Variants in ATP2B4 observed in about 807,000 individuals in gnomAD.
ATP2B4 encodes ATPase plasma membrane Ca2+ transporting 4.
Under a neutral mutation model 110.3 loss-of-function variants are expected in ATP2B4, and 39 were observed. That is an observed-to-expected ratio of 0.35 (90% CI 0.27 to 0.46). The LOEUF (loss-of-function observed/expected upper bound fraction) is 0.46, where lower values mean the gene tolerates loss of function less well. Ranked by LOEUF, ATP2B4 falls within the 20% of genes least tolerant of loss-of-function variation. ATP2B4 has a pLI of 1.00. For synonymous variants in ATP2B4, 538 were observed against 571.7 expected (o/e 0.94, Z 0.84); for missense variants, 1,135 against 1,530.9 (o/e 0.74, Z 4.32).
At position 203,683,389 on chromosome 1, in the gene ATP2B4, C is replaced by T. The variant is rs377401279; in HGVS notation, c.184C>T (p.Pro62Ser). 1 of 1,609,596 alleles carries T rather than the reference C, an allele frequency of 6.2e-7. No individual in the cohort carries two copies. Among genetic ancestry groups the T allele is most frequent in the Non-Finnish European group, 8.5e-7 (1 of 1,177,240 alleles). Reference sequence around the variant, plus strand: ...TCTCTGCAGTAGACTGAAAACCTCCCCTGTGGAAGGTAAAGGCCATATCAG... The same window carrying T: ...TCTCTGCAGTAGACTGAAAACCTCCTCTGTGGAAGGTAAAGGCCATATCAG... ...QNLCSRLKTS[P>S]VEGLSGNPAD... The change falls in exon 2 of 21, where the codon CCT becomes TCT. Residue 62 changes from proline (P) to serine (S), a missense_variant. Transcript: ENST00000357681.
intron 1 of ATP2B4, among the ~76,000 whole-genome samples, chr1:203,627,967 C>T (rs1175345098): frequency 1.3e-5 from 2 of 152,172 alleles, no homozygotes; most frequent in African/African-American, 4.8e-5. Flanking sequence ...CGTCCAGAAC[C>T]AACTGTATGA....
chr1:203,689,167 C>T (rs1448137491), intron 2 of ATP2B4, among the ~76,000 whole-genome samples: 5 of 152,244 alleles, frequency 3.3e-5, no homozygotes, highest in African/African-American at 4.8e-5. Context: ...CTCATGGCCT[C>T]GTGAGTGGAA....
intron 1 of ATP2B4, among the ~76,000 whole-genome samples, chr1:203,681,961 C>A (rs1665029263): frequency 6.6e-6 from 1 of 151,230 alleles, no homozygotes. Flanking sequence ...CACCCTGCGT[C>A]ACCAACTGCC....
At chr1:203,705,922 A>G (rs1057297911) in intron 8 of ATP2B4, among the ~76,000 whole-genome samples, 11 of 152,238 alleles carry the variant, frequency 7.2e-5, no homozygotes, top group African/African-American at 2.7e-4. Flanking sequence ...CAAGCAAAGA[A>G]CGGAAGAATT....
intron 4 of ATP2B4, among the ~76,000 whole-genome samples, 176 bp downstream of exon 4, chr1:203,699,893 G>A (rs60628726): frequency 0.011 from 1,678 of 152,258 alleles, 31 homozygotes; most frequent in African/African-American, 0.038. Flanking sequence ...GAAAGGAGTA[G>A]CTGAAACTCT....
At position 203,713,233 on chromosome 1, in the gene ATP2B4, C is replaced by G; in HGVS notation, c.2280C>G (p.Asp760Glu). 7 of 1,614,158 alleles carry G rather than the reference C, an allele frequency of 4.3e-6. No homozygotes were observed. Among genetic ancestry groups the G allele is most frequent in the Non-Finnish European group, 2.5e-6 (3 of 1,180,014 alleles). ...TCCTGGCGCGATCTTCTCCCACTGACAAGCACACCCTGGTGAAAGGTGAGG... is the reference window on the plus strand; with the variant it reads ...TCCTGGCGCGATCTTCTCCCACTGAGAAGCACACCCTGGTGAAAGGTGAGG... ...LRVLARSSPT[D>E]KHTLVKGIID... is the part of the protein sequence containing the mutation. Residue 760 changes from aspartate (D) to glutamate (E), a missense_variant, in exon 14 of 21, where the codon GAC becomes GAG. Asp to Glu is a conservative substitution (Grantham distance 45, BLOSUM62 2). Transcript: ENST00000357681.
intron 15 of ATP2B4, among the ~76,000 whole-genome samples, chr1:203,718,076 G>A (rs1666211490): frequency 6.6e-6 from 1 of 152,156 alleles, no homozygotes; most frequent in Non-Finnish European, 1.5e-5. Context: ...AAGCTAAGAA[G>A]TATGCTCTTA....
chr1:203,739,094 T>G (rs1666942010), intron 20 of ATP2B4, among the ~76,000 whole-genome samples: 1 of 152,202 alleles, frequency 6.6e-6, no homozygotes, highest in Admixed American at 6.5e-5. Context: ...GCATAATTTT[T>G]CCATTCCACA....
intron 1 of ATP2B4, among the ~76,000 whole-genome samples, chr1:203,651,827 G>C (rs1366002175): frequency 1.3e-5 from 2 of 151,966 alleles, no homozygotes; most frequent in East Asian, 3.9e-4. Context: ...GAATGCCGAG[G>C]CAGGGGGATC....
chr1:203,700,920 A>G lies in ATP2B4; in HGVS notation c.898A>G (p.Lys300Glu). ...NEDDEGEKKK[K>E]GKKQGVPENR... The stretch of plus-strand genomic sequence containing the variant: ...GGATGACGAAGGGGAGAAAAAGAAG[A>G]AAGGTAAGGGGCATCTGGAATGAGA... The change falls in exon 6 of 21, where the codon AAA becomes GAA. Residue 300 changes from lysine (K) to glutamate (E), a missense_variant. Physicochemically the swap from Lys to Glu is moderately conservative, Grantham distance 56 (BLOSUM62 1). Coordinates refer to ENST00000357681, the MANE Select transcript of ATP2B4 (RefSeq NM_001684.5). The G allele has an allele frequency of 6.2e-7, 1 of 1,612,664 alleles. No homozygotes were observed. Among genetic ancestry groups the G allele is most frequent in the Non-Finnish European group, 8.5e-7 (1 of 1,179,116 alleles).
At chr1:203,634,324 C>T (rs1030500641) in intron 1 of ATP2B4, among the ~76,000 whole-genome samples, 2 of 152,160 alleles carry the variant, frequency 1.3e-5, no homozygotes, top group Non-Finnish European at 2.9e-5. Context: ...AACTTTGCAT[C>T]TTTTAGCCAA....
intron 1 of ATP2B4, among the ~76,000 whole-genome samples, chr1:203,658,786 A>T (rs182149090): frequency 0.025 from 3,763 of 152,200 alleles, 90 homozygotes; most frequent in African/African-American, 0.054. Context: ...CGGGTGGATC[A>T]CAAGGTCAGG....
intron 1 of ATP2B4, among the ~76,000 whole-genome samples, chr1:203,651,136 A>T (rs941900251): frequency 2.0e-5 from 3 of 152,168 alleles, no homozygotes; most frequent in African/African-American, 7.2e-5. Context: ...TTCTTATTTA[A>T]GAGTCTTGAT....
intron 16 of ATP2B4, 119 bp downstream of exon 16, chr1:203,720,859 A>C: frequency 8.1e-7 from 1 of 1,236,022 alleles, no homozygotes; most frequent in South Asian, 1.5e-5. Flanking sequence ...TGACATTGGG[A>C]CAGGAGTTAG....
intron 1 of ATP2B4, among the ~76,000 whole-genome samples, chr1:203,668,075 T>C (rs1558024331): frequency 6.6e-6 from 1 of 152,160 alleles, no homozygotes; most frequent in Non-Finnish European, 1.5e-5. Flanking sequence ...AATCCTTGTG[T>C]AGTGGTGGGG....
chr1:203,723,914 A>G lies in ATP2B4; in HGVS notation c.3058A>G (p.Ser1020Gly), dbSNP rs1666424581. ...FIVEFGGKPF[S>G]CTSLSLSQWL... is the part of the protein sequence containing the mutation. ...CGTGGAATTTGGGGGTAAACCCTTC[A>G]GTTGTACAAGCCTCAGCCTGTCTCA... The change falls in exon 19 of 21, where the codon AGT (serine) becomes GGT (glycine). Residue 1020 changes from serine to glycine, a missense_variant. Physicochemically the swap from Ser to Gly is moderately conservative, Grantham distance 56. This residue lies in a region of ATP2B4 where 155 missense variants were observed against 186.2 expected (regional missense o/e 0.83). Coordinates refer to ENST00000357681, the MANE Select transcript of ATP2B4 (RefSeq NM_001684.5). The G allele has an allele frequency of 6.2e-7, 1 of 1,610,652 alleles. No individual in the cohort carries two copies. The highest frequency in any genetic ancestry group is 8.5e-7 in the Non-Finnish European group (1 of 1,178,710).
rs1009508025 is a variant in ATP2B4, at chr1:203,741,058, G to C, written c.*1204G>C. 3 of 152,252 alleles carry C rather than the reference G, an allele frequency of 2.0e-5. No homozygotes were observed. The highest frequency in any genetic ancestry group is 2.9e-5 in the Non-Finnish European group (2 of 68,052). 9.4% of individuals were successfully genotyped at this position (152,252 alleles called of 1,614,324 possible). On this transcript the variant is annotated 3_prime_UTR_variant, in exon 21 of 21. Transcript: ENST00000357681. Reference sequence around the variant, plus strand: ...GAGGCCAGAAACCTTGAGCTTAGGTGCCTGGGGACCAGCTTCGACATTCTC... The same window carrying C: ...GAGGCCAGAAACCTTGAGCTTAGGTCCCTGGGGACCAGCTTCGACATTCTC...
At chr1:203,704,562 ACT>A (rs1665793735) in intron 8 of ATP2B4, among the ~76,000 whole-genome samples, 1 of 136,002 alleles carries the variant, frequency 7.4e-6, no homozygotes, top group Admixed American at 8.1e-5. Context: ...CTCACTGCAG[ACT>A]CTACCTCCTG....
intron 2 of ATP2B4, among the ~76,000 whole-genome samples, chr1:203,687,081 C>T (rs1189419448): frequency 7.1e-6 from 1 of 141,702 alleles, no homozygotes; most frequent in Non-Finnish European, 1.5e-5. Flanking sequence ...TCAAGCAGTT[C>T]TTCTGCCTCA....
Sources: allele counts gnomAD v4.1 joint callset (sites outside exome capture counted in the v4.1 genomes callset), GRCh38; gene constraint gnomAD v4.1.1; regional missense constraint gnomAD v4.1.1; transcripts MANE v1.5; gene names NCBI Gene and HGNC (gene_info 2026-07-23, HGNC 2026-07-21).